The following TRIM21 variants were observed in gnomAD, a reference collection of about 807,000 sequenced individuals.
TRIM21 encodes the protein E3 ubiquitin-protein ligase TRIM21.
Under a neutral mutation model 36.1 loss-of-function variants are expected in TRIM21, and 35 were observed. The observed-to-expected ratio is 0.97, with a 90% confidence interval of 0.74 to 1.28. TRIM21 has a LOEUF of 1.28. Ranked by LOEUF, TRIM21 falls within the 50% of genes most tolerant of loss-of-function variation. The pLI is 0.00. For missense variants in TRIM21, 635 were observed against 570.7 expected (o/e 1.11, Z -1.15); for synonymous variants, 256 against 211.5 (o/e 1.21, Z -1.83).
intron 1 of TRIM21, among the ~76,000 whole-genome samples, chr11:4,393,004 G>A (rs568120255): frequency 6.6e-6 from 1 of 152,286 alleles, no homozygotes; most frequent in Admixed American, 6.5e-5. Context: ...GTATGTAGGT[G>A]TATATGTATG....
At position 4,385,618 on chromosome 11, in the gene TRIM21, CCTGCGCACAGAGTCT is replaced by C. The variant is rs759033618; in HGVS notation, c.1080_1094del (p.Asp361_Arg365del). On this transcript the variant is annotated inframe_deletion, in exon 7 of 7. Transcript: ENST00000254436. Reference sequence around the variant, plus strand: ...TGGAACTAAGCAAAAAGTGCCCCTTCCTGCGCACAGAGTCTCTGCAGACACCCAGGTCCCAGGCCT... The same window carrying C: ...TGGAACTAAGCAAAAAGTGCCCCTTCCTGCAGACACCCAGGTCCCAGGCCT... The C allele has an allele frequency of 6.9e-5, 111 of 1,612,802 alleles. No individual in the cohort carries two copies. The highest frequency in any genetic ancestry group is 9.3e-5 in the Non-Finnish European group (110 of 1,179,484).
intron 6 of TRIM21, 137 bp from the exon 7 acceptor site, chr11:4,385,990 C>T: frequency 9.1e-7 from 1 of 1,093,862 alleles, no homozygotes; most frequent in South Asian, 1.6e-5. Context: ...GACCATCAGC[C>T]AGTTCTGGCC....
Position 4,385,833 on chromosome 11 carries a change from C to T in TRIM21, c.880G>A (p.Asp294Asn). ...TCAVHITLDP[D>N]TANPWLILSE... is the part of the protein sequence containing the mutation. ...AGTATCAGCCACGGATTGGCTGTGT[C>T]TGGATCCAGAGTGATGTGGACTGCA... The change falls in exon 7 of 7, where the codon GAC (aspartate) becomes AAC (asparagine). Residue 294 changes from aspartate (D) to asparagine (N), a missense_variant. Transcript: ENST00000254436. 1 of 1,611,030 alleles carries T rather than the reference C, an allele frequency of 6.2e-7. No homozygotes were observed. Among genetic ancestry groups the T allele is most frequent in the Non-Finnish European group, 8.5e-7 (1 of 1,178,478 alleles).
At chr11:4,389,927 T>G (rs573316762) in intron 2 of TRIM21, 75 bp downstream of exon 2, 2 of 1,568,148 alleles carry the variant, frequency 1.3e-6, no homozygotes, top group South Asian at 2.3e-5. Flanking sequence ...CTCTAACCCC[T>G]CCAATCCAGA....
rs1564810132 is a variant in TRIM21 at position 4,388,491 on chromosome 11, ACT to A, written c.542_543del (p.Glu181ValfsTer10). On this transcript the variant is annotated frameshift_variant, in exon 4 of 7. Coordinates refer to ENST00000254436, the MANE Select transcript of TRIM21 (RefSeq NM_003141.4). LOFTEE classifies it high-confidence loss of function. ...VETQKSRIHA[E>X]FVQQKNFLVE... ...ACCAGGAAGTTTTTTTGCTGCACAA[ACT>A]CTGCGTGAATCCTAGATTTCTGTGT... 9.3e-6 allele frequency: 15 copies of A among 1,611,550 alleles called. No homozygotes were observed. The highest frequency in any genetic ancestry group is 1.1e-5 in the Non-Finnish European group (13 of 1,179,742).
rs770667290 is a variant in TRIM21 at position 4,388,466 on chromosome 11, A to G, written c.569T>C (p.Val190Ala). 2 of 1,613,492 alleles carry G rather than the reference A, an allele frequency of 1.2e-6. No individual in the cohort carries two copies. Among genetic ancestry groups the G allele is most frequent in the Non-Finnish European group, 1.7e-6 (2 of 1,179,872 alleles). The change falls in exon 4 of 7, where the codon GTT becomes GCT. Residue 190 changes from valine (V) to alanine (A), a missense_variant. Physicochemically the swap from Val to Ala is moderately conservative, Grantham distance 64. Coordinates refer to ENST00000254436, the MANE Select transcript of TRIM21 (RefSeq NM_003141.4). ...AEFVQQKNFL[V>A]EEEQRQLQEL... Reference sequence around the variant, plus strand: ...CTGCAGCTGCCTCTGTTCTTCTTCAACCAGGAAGTTTTTTTGCTGCACAAA... The same window carrying G: ...CTGCAGCTGCCTCTGTTCTTCTTCAGCCAGGAAGTTTTTTTGCTGCACAAA...
In TRIM21 at chr11:4,384,994, G is replaced by A. The variant is rs1272167461; in HGVS notation, c.*291C>T. On this transcript the variant is annotated 3_prime_UTR_variant, in exon 7 of 7. Coordinates refer to ENST00000254436, the MANE Select transcript of TRIM21 (RefSeq NM_003141.4). ...TCACCAAAGACGACATCCTAGAGAT[G>A]GAGAGGAGAAAAAAAAAACTTAAGT... The A allele has an allele frequency of 5.5e-6, 2 of 363,262 alleles. No homozygotes were observed. The highest frequency in any genetic ancestry group is 9.4e-5 in the East Asian group (2 of 21,292). 22.5% of individuals were successfully genotyped at this position (363,262 alleles called of 1,614,324 possible). A position where few individuals can be genotyped will look rare whatever the true frequency, so the allele number is the denominator to read the frequency against.
intron 3 of TRIM21, 150 bp from the exon 4 acceptor site, chr11:4,388,680 C>G (rs1230412876): frequency 2.9e-6 from 2 of 691,282 alleles, no homozygotes; most frequent in African/African-American, 3.7e-5. Flanking sequence ...CACGCGCGCA[C>G]ACACACACAC....
intron 4 of TRIM21, among the ~76,000 whole-genome samples, chr11:4,387,253 T>TG (rs2094957227): frequency 7.5e-6 from 1 of 132,974 alleles, no homozygotes; most frequent in South Asian, 2.3e-4. Flanking sequence ...AAAGACCAGT[T>TG]TTTTTTTTTT....
intron 5 of TRIM21, 77 bp from the exon 6 acceptor site, chr11:4,386,334 G>GTT: frequency 4.2e-6 from 5 of 1,201,032 alleles, no homozygotes; most frequent in Non-Finnish European, 6.1e-6. Flanking sequence ...CATTGTGGAG[G>GTT]ACTCCGATAA....
intron 2 of TRIM21, 51 bp from the exon 3 acceptor site, chr11:4,389,800 T>TG: frequency 6.4e-7 from 1 of 1,568,688 alleles, no homozygotes; most frequent in Non-Finnish European, 8.8e-7. Context: ...AGTAATAGGG[T>TG]GGGGTAATCC....
intron 5 of TRIM21, 28 bp downstream of exon 5, chr11:4,386,940 T>C: frequency 6.3e-7 from 1 of 1,576,690 alleles, no homozygotes; most frequent in Non-Finnish European, 8.6e-7. Flanking sequence ...TGCTGGCCCC[T>C]CTTCTAACAA....
chr11:4,385,725 T>C lies in TRIM21; in HGVS notation c.988A>G (p.Met330Val), dbSNP rs1297159482. ...GNEERFDSYPMVLGAQHFHSG... is the reference protein window; with the variant it reads ...GNEERFDSYPVVLGAQHFHSG... Reference sequence around the variant, plus strand: ...TGAAAGTGCTGGGCACCCAGGACCATAGGATAACTATCAAATCTCTCTTCA... The same window carrying C: ...TGAAAGTGCTGGGCACCCAGGACCACAGGATAACTATCAAATCTCTCTTCA... Residue 330 changes from methionine to valine, a missense_variant, in exon 7 of 7, where the codon ATG becomes GTG. Coordinates refer to ENST00000254436, the MANE Select transcript of TRIM21 (RefSeq NM_003141.4). 14 of 1,613,086 alleles carry C rather than the reference T, an allele frequency of 8.7e-6. No individual in the cohort carries two copies. Among genetic ancestry groups the C allele is most frequent in the Non-Finnish European group, 1.2e-5 (14 of 1,179,620 alleles).
Position 4,387,910 on chromosome 11 carries a change from A to G in TRIM21, c.735+390T>C, listed in dbSNP as rs7925156. On this transcript the variant is annotated intron_variant, in intron 4 of 6. Transcript: ENST00000254436. The stretch of plus-strand genomic sequence containing the variant: ...AGAGAGCCTGTCAAGTCAACCCAAT[A>G]CAATTAGGTTTTCTGCACAAACCTG... Among the ~76,000 whole-genome samples, 1,344 of 152,320 alleles carry G rather than the reference A, an allele frequency of 8.8e-3. 15 individuals carry two copies. Among genetic ancestry groups the G allele is most frequent in the African/African-American group, 0.03 (1,234 of 41,564 alleles).
Position 4,385,177 on chromosome 11 carries a change from A to T in TRIM21, c.*108T>A. 1 of 1,071,270 alleles carries T rather than the reference A, an allele frequency of 9.3e-7. No homozygotes were observed. Among genetic ancestry groups the T allele is most frequent in the Non-Finnish European group, 1.3e-6 (1 of 756,938 alleles). The allele number at this position is 1,071,270 out of a possible 1,614,324, so 66.4% of individuals were successfully genotyped here. Reference sequence around the variant, plus strand: ...CTAAAGCTCGCTTGCTGGGATCCGGATGCCTCTGCAGAGACAAAGGTGGTT... The same window carrying T: ...CTAAAGCTCGCTTGCTGGGATCCGGTTGCCTCTGCAGAGACAAAGGTGGTT... On this transcript the variant is annotated 3_prime_UTR_variant, in exon 7 of 7. Coordinates refer to ENST00000254436, the MANE Select transcript of TRIM21 (RefSeq NM_003141.4).
intron 1 of TRIM21, among the ~76,000 whole-genome samples, chr11:4,391,417 A>T (rs549409039): frequency 5.1e-4 from 78 of 152,354 alleles, no homozygotes; most frequent in Admixed American, 3.4e-3. Flanking sequence ...TCCAAAAGAC[A>T]GGCTATAACA....
At chr11:4,392,194 C>T (rs2094963790) in intron 1 of TRIM21, among the ~76,000 whole-genome samples, 1 of 151,634 alleles carries the variant, frequency 6.6e-6, no homozygotes, top group Non-Finnish European at 1.5e-5. Context: ...CATAAATATA[C>T]CTACTATGTG....
rs202233326 is a variant in TRIM21, at chr11:4,385,658, T to C, written c.1055A>G (p.Glu352Gly). The change falls in exon 7 of 7, where the codon GAG becomes GGG. Residue 352 changes from glutamate to glycine, a missense_variant. Physicochemically the swap from Glu to Gly is moderately conservative, Grantham distance 98. Transcript: ENST00000254436. ...HYWEVDVTGK[E>G]AWDLGVCRDS... ...TCTGCAGACACCCAGGTCCCAGGCC[T>C]CCTTTCCTGTCACATCTACCTCCCA... The C allele has an allele frequency of 1.5e-4, 239 of 1,613,208 alleles. No individual in the cohort carries two copies. The highest frequency in any genetic ancestry group is 9.9e-4 in the Middle Eastern group (6 of 6,062).
intron 6 of TRIM21, 110 bp from the exon 7 acceptor site, chr11:4,385,963 T>C: frequency 8.3e-7 from 1 of 1,202,948 alleles, no homozygotes; most frequent in Non-Finnish European, 1.2e-6. Context: ...GGGGTGAACC[T>C]CCCTGTGTGA....
Sources: gnomAD v4.1 joint callset for allele counts (sites outside exome capture counted in the v4.1 genomes callset) on GRCh38, gnomAD v4.1.1 for gene constraint, MANE v1.5 for transcripts, NCBI Gene and HGNC (gene_info 2026-07-23, HGNC 2026-07-21) for gene names.